Variants in AK8 observed in about 807,000 individuals in gnomAD.
AK8 encodes ATP-AMP transphosphorylase 8.
AK8 carries 44 observed loss-of-function variants against 54.6 expected under a neutral mutation model. That is an observed-to-expected ratio of 0.81 (90% CI 0.63 to 1.04). The LOEUF is 1.04. Ranked by LOEUF, AK8 falls within the 50% of genes least tolerant of loss-of-function variation. The pLI is 0.00. For synonymous variants in AK8, 239 were observed against 245.6 expected (o/e 0.97, Z 0.25); for missense variants, 555 against 613.6 (o/e 0.90, Z 1.01).
In AK8 at chr9:132,727,358, T is replaced by C. The variant is rs1365854823; in HGVS notation, c.1202+96A>G. 4.3e-6 allele frequency: 5 copies of C among 1,153,524 alleles called. No homozygotes were observed. The African/African-American group carries it at 6.1e-5, about 14-fold the overall frequency. 71.5% of individuals were successfully genotyped at this position (1,153,524 alleles called of 1,614,324 possible). A position where few individuals can be genotyped will look rare whatever the true frequency, so the allele number is the denominator to read the frequency against. On this transcript the variant is annotated intron_variant, in intron 12 of 12. Transcript: ENST00000298545. Reference sequence around the variant, plus strand: ...ATCGTCCTTCAGTGGTCACCAGTGTTATCCCTGCAGTGTTTCCACCATGGC... The same window carrying C: ...ATCGTCCTTCAGTGGTCACCAGTGTCATCCCTGCAGTGTTTCCACCATGGC...
chr9:132,756,471 C>T (rs1179099004), intron 11 of AK8, among the ~76,000 whole-genome samples: 1 of 152,234 alleles, frequency 6.6e-6, no homozygotes, highest in Non-Finnish European at 1.5e-5. Context: ...CATTTGCATA[C>T]CTAAAAATTC....
chr9:132,750,414 C>T lies in AK8; in HGVS notation c.1122-22880G>A, dbSNP rs537720516. 8.2e-4 allele frequency among the ~76,000 whole-genome samples: 125 copies of T among 151,976 alleles called. 1 individual carries two copies. Among genetic ancestry groups the T allele is most frequent in the African/African-American group, 2.8e-3 (117 of 41,516 alleles). On this transcript the variant is annotated intron_variant, in intron 11 of 12. Transcript: ENST00000298545. ...GATTACAGGTGTGAGCCACCGCGCC[C>T]GGCTCCTCTTCATTTCTTCTACACA...
At chr9:132,756,292 T>A (rs1444070354) in intron 11 of AK8, among the ~76,000 whole-genome samples, 2 of 152,232 alleles carry the variant, frequency 1.3e-5, no homozygotes, top group African/African-American at 4.8e-5. Context: ...GAGAGAAAGC[T>A]TTGAGGCCCT....
At chr9:132,851,435 T>C (rs1307048965) in intron 5 of AK8, among the ~76,000 whole-genome samples, 1 of 152,244 alleles carries the variant, frequency 6.6e-6, no homozygotes, top group African/African-American at 2.4e-5. Context: ...CTCAGTTTTC[T>C]GGCCAAAATA....
intron 8 of AK8, among the ~76,000 whole-genome samples, chr9:132,824,611 T>G (rs961568259): frequency 6.6e-6 from 1 of 152,220 alleles, no homozygotes; most frequent in Non-Finnish European, 1.5e-5. Flanking sequence ...CCGCAAGGTA[T>G]GACAACCAAA....
At chr9:132,751,378 C>CAAAAAAAAAA (rs1208975942) in intron 11 of AK8, among the ~76,000 whole-genome samples, 4 of 50,180 alleles carry the variant, frequency 8.0e-5, no homozygotes, top group Non-Finnish European at 9.0e-5. Context: ...AGTGAGACTC[C>CAAAAAAAAAA]AAAAAAAAAA....
At chr9:132,750,411 G>A (rs868782576) in intron 11 of AK8, among the ~76,000 whole-genome samples, 7 of 151,902 alleles carry the variant, frequency 4.6e-5, no homozygotes, top group South Asian at 2.1e-4. Flanking sequence ...GAGCCACCGC[G>A]CCCGGCTCCT....
intron 11 of AK8, among the ~76,000 whole-genome samples, chr9:132,765,292 C>CAAAAAAAAAAA (rs61495439): frequency 4.1e-4 from 26 of 62,802 alleles, no homozygotes; most frequent in African/African-American, 1.3e-3. Context: ...GACTCCATTT[C>CAAAAAAAAAAA]AAAAAAAAAA....
chr9:132,760,941 T>C (rs1333294470), intron 11 of AK8, among the ~76,000 whole-genome samples: 4 of 152,238 alleles, frequency 2.6e-5, no homozygotes, highest in Non-Finnish European at 5.9e-5. Context: ...TTTGCTAATA[T>C]TTTGTTTAGG....
intron 5 of AK8, among the ~76,000 whole-genome samples, chr9:132,852,769 C>CAAAAAAAA (rs35786801): frequency 1.5e-3 from 24 of 16,268 alleles, no homozygotes; most frequent in Non-Finnish European, 2.0e-3. Flanking sequence ...GATTAGGTCT[C>CAAAAAAAA]AAAAAAAAAA....
intron 5 of AK8, among the ~76,000 whole-genome samples, chr9:132,840,969 G>A (rs145731075): frequency 1.3e-5 from 2 of 152,236 alleles, no homozygotes; most frequent in East Asian, 3.9e-4. Context: ...CTACTCATAA[G>A]GGATCCTCAA....
chr9:132,765,176 C>T (rs1452683731), intron 11 of AK8, among the ~76,000 whole-genome samples: 1 of 151,106 alleles, frequency 6.6e-6, no homozygotes, highest in East Asian at 2.0e-4. Flanking sequence ...ACTTGTAGTC[C>T]CAGCTACTCG....
At chr9:132,846,772 G>A (rs1407177350) in intron 5 of AK8, among the ~76,000 whole-genome samples, 4 of 152,206 alleles carry the variant, frequency 2.6e-5, no homozygotes, top group African/African-American at 9.6e-5. Context: ...GGGTCAGAGC[G>A]CTGGCCCTGT....
rs377484854 is a variant in AK8 at position 132,774,242 on chromosome 9, G to A, written c.1121+18392C>T. On this transcript the variant is annotated intron_variant, in intron 11 of 12. Coordinates refer to ENST00000298545, the MANE Select transcript of AK8 (RefSeq NM_152572.3). ...TCGTGGCCAGAATGGGGTGGGGGTG[G>A]CTCTGACCCTCCTGCTCATGGGGGG... is the stretch of plus-strand genomic sequence containing the variant. Among the ~76,000 whole-genome samples, 34 of 152,226 alleles carry A rather than the reference G, an allele frequency of 2.2e-4. No individual in the cohort carries two copies. The East Asian group carries it at 6.4e-3, about 29-fold the overall frequency.
At chr9:132,756,551 T>G (rs1838198336) in intron 11 of AK8, among the ~76,000 whole-genome samples, 1 of 152,134 alleles carries the variant, frequency 6.6e-6, no homozygotes. Flanking sequence ...TTTGCCAAGG[T>G]GAGGGGAGAG....
At chr9:132,835,915 A>C (rs1842305933) in intron 5 of AK8, among the ~76,000 whole-genome samples, 2 of 152,102 alleles carry the variant, frequency 1.3e-5, no homozygotes, top group African/African-American at 4.8e-5. Context: ...CCTGAGGTTG[A>C]GAGTTCGAGA....
At chr9:132,806,875 G>A (rs1051861083) in intron 10 of AK8, among the ~76,000 whole-genome samples, 8 of 152,126 alleles carry the variant, frequency 5.3e-5, no homozygotes, top group Non-Finnish European at 8.8e-5. Context: ...ACCAGAAAGG[G>A]TGCAAATTAG....
chr9:132,852,244 CG>C (rs1564439105), intron 5 of AK8, among the ~76,000 whole-genome samples: 1 of 152,016 alleles, frequency 6.6e-6, no homozygotes, highest in African/African-American at 2.4e-5. Flanking sequence ...GAGGCCAAGG[CG>C]GGAGGATTAC....
In AK8 at chr9:132,803,281, C is replaced by T. The variant is rs370424321; in HGVS notation, c.980-10506G>A. Among the ~76,000 whole-genome samples the T allele has an allele frequency of 1.3e-5, 2 of 152,140 alleles. No homozygotes were observed. Among genetic ancestry groups the T allele is most frequent in the African/African-American group, 4.8e-5 (2 of 41,420 alleles). On this transcript the variant is annotated intron_variant, in intron 10 of 12. Transcript: ENST00000298545. The surrounding 1 kb of genome is among the most constrained non-coding windows in gnomAD (Gnocchi z 4.4). ...GTGGGGACACAGCCAAACCATATCA[C>T]GGAGCATCAGAGTAATGCAAACTGG...
Sources: gnomAD v4.1 joint callset for allele counts (sites outside exome capture counted in the v4.1 genomes callset) on GRCh38, gnomAD v4.1.1 for gene constraint, Gnocchi (gnomAD v3.1) non-coding constraint, MANE v1.5 for transcripts, NCBI Gene and HGNC (gene_info 2026-07-23, HGNC 2026-07-21) for gene names.